Variants in CPSF3 observed in about 807,000 individuals in gnomAD.
The protein encoded by CPSF3 is cleavage and polyadenylation specific factor 3.
Under a neutral mutation model 84.1 loss-of-function variants are expected in CPSF3, and 57 were observed. The observed-to-expected ratio is 0.68, with a 90% CI of 0.55 to 0.85. The LOEUF (loss-of-function observed/expected upper bound fraction) is 0.85, where lower values mean the gene tolerates loss of function less well. Ranked by LOEUF, CPSF3 falls within the 40% of genes least tolerant of loss-of-function variation. The pLI, the probability that CPSF3 is intolerant of heterozygous loss-of-function variation, is 0.00. For synonymous variants in CPSF3, 275 were observed against 278.1 expected (o/e 0.99, Z 0.11); for missense variants, 522 against 838.8 (o/e 0.62, Z 4.66).
chr2:9,469,374 G>A (rs1334060507), intron 16 of CPSF3, among the ~76,000 whole-genome samples: 1 of 152,180 alleles, frequency 6.6e-6, no homozygotes, highest in Non-Finnish European at 1.5e-5. Flanking sequence ...ATTGTAGAAG[G>A]TGGGTGTTGC....
chr2:9,448,461 T>A (rs2124835978), intron 11 of CPSF3, 111 bp downstream of exon 11: 3 of 887,296 alleles, frequency 3.4e-6, no homozygotes, highest in South Asian at 2.4e-5. Flanking sequence ...TTCTGTCTAC[T>A]TGTTACACTA....
intron 16 of CPSF3, among the ~76,000 whole-genome samples, chr2:9,468,132 T>G (rs961109024): frequency 2.0e-5 from 3 of 152,278 alleles, no homozygotes; most frequent in African/African-American, 7.2e-5. Flanking sequence ...ATTTACTTGT[T>G]AAATGTGAAT....
intron 11 of CPSF3, among the ~76,000 whole-genome samples, chr2:9,449,572 T>C (rs1269206467): frequency 1.3e-5 from 2 of 152,014 alleles, no homozygotes; most frequent in African/African-American, 2.4e-5. Flanking sequence ...TGAAACCCAG[T>C]CTCTACGAAA....
chr2:9,469,573 G>A (rs1055302822), intron 16 of CPSF3, among the ~76,000 whole-genome samples: 55 of 152,154 alleles, frequency 3.6e-4, no homozygotes, highest in African/African-American at 1.3e-3. Flanking sequence ...GCGGGAGGCT[G>A]CGGCCCTTCC....
chr2:9,472,658 C>CT (rs962960581), intron 17 of CPSF3, among the ~76,000 whole-genome samples: 38 of 151,922 alleles, frequency 2.5e-4, no homozygotes, highest in Admixed American at 7.9e-4. Flanking sequence ...GATGATTGTT[C>CT]TTTTTTTTAG....
intron 13 of CPSF3, 76 bp from the exon 14 acceptor site, chr2:9,456,857 C>A: frequency 1.2e-6 from 1 of 840,086 alleles, no homozygotes; most frequent in Non-Finnish European, 1.8e-6. Context: ...TTTTAGCTGT[C>A]TCTATAAACA....
At position 9,428,844 on chromosome 2, in the gene CPSF3, G is replaced by C; in HGVS notation, c.114+16G>C. The C allele has an allele frequency of 6.8e-7, 1 of 1,469,938 alleles. No individual in the cohort carries two copies. Among genetic ancestry groups the C allele is most frequent in the Non-Finnish European group, 9.5e-7 (1 of 1,049,136 alleles). 91.1% of individuals were successfully genotyped at this position (1,469,938 alleles called of 1,614,324 possible). ...AAAAATAATGGTAATTACTATTTTTGTACTCAGTTTAATAGTATGGCTCTG... is the reference window on the plus strand; with the variant it reads ...AAAAATAATGGTAATTACTATTTTTCTACTCAGTTTAATAGTATGGCTCTG... On this transcript the variant is annotated intron_variant, in intron 2 of 17. Coordinates refer to ENST00000238112, the MANE Select transcript of CPSF3 (RefSeq NM_016207.4).
Position 9,467,744 on chromosome 2 carries a change from C to A in CPSF3, c.1824C>A (p.His608Gln). Reference protein sequence around the residue: ...VQKVSKKLEMHVYSKRLEIML... With the variant: ...VQKVSKKLEMQVYSKRLEIML... The stretch of plus-strand genomic sequence containing the variant: ...AGGTTTCTAAAAAATTAGAAATGCA[C>A]GTTTACAGCAAGAGGTTGGAGATCA... The change falls in exon 16 of 18, where the codon CAC (histidine) becomes CAA (glutamine). Residue 608 changes from histidine to glutamine, a missense_variant. Physicochemically the swap from His to Gln is conservative, Grantham distance 24 (BLOSUM62 0). Transcript: ENST00000238112. 2 of 1,607,952 alleles carry A rather than the reference C, an allele frequency of 1.2e-6. No individual in the cohort carries two copies. Among genetic ancestry groups the A allele is most frequent in the Non-Finnish European group, 1.7e-6 (2 of 1,176,460 alleles).
intron 7 of CPSF3, among the ~76,000 whole-genome samples, chr2:9,438,053 C>G (rs745959516): frequency 1.1e-4 from 17 of 152,218 alleles, no homozygotes; most frequent in South Asian, 4.1e-4. Flanking sequence ...CACCTCTGTG[C>G]GAAGCACTAG....
chr2:9,449,948 T>C (rs1204507369), intron 11 of CPSF3, among the ~76,000 whole-genome samples: 5 of 152,088 alleles, frequency 3.3e-5, no homozygotes, highest in African/African-American at 9.7e-5. Context: ...TTTAAATTTT[T>C]AAAAAGGAAT....
chr2:9,425,914 C>G (rs1680374455), intron 1 of CPSF3, among the ~76,000 whole-genome samples: 1 of 152,304 alleles, frequency 6.6e-6, no homozygotes, highest in African/African-American at 2.4e-5. Flanking sequence ...TAGACAATCC[C>G]CACTACCTCT....
rs1680930822 is a variant in CPSF3 at position 9,440,438 on chromosome 2, AC to A, written c.761-52del. ...TCTGTGTGTATCATTTGTTATTTGA[AC>A]TGTTTACCCCATCTAACAAAGTGAT... On this transcript the variant is annotated intron_variant, in intron 7 of 17. Transcript: ENST00000238112. 12 of 1,424,674 alleles carry A rather than the reference AC, an allele frequency of 8.4e-6. No homozygotes were observed. The Admixed American group carries it at 8.9e-5, about 11-fold the overall frequency. 88.3% of individuals were successfully genotyped at this position (1,424,674 alleles called of 1,614,324 possible). A position where few individuals can be genotyped will look rare whatever the true frequency, so the allele number is the denominator to read the frequency against.
intron 16 of CPSF3, among the ~76,000 whole-genome samples, chr2:9,471,094 A>T (rs1245281372): frequency 6.6e-6 from 1 of 152,146 alleles, no homozygotes; most frequent in African/African-American, 2.4e-5. Context: ...CACACCTGTA[A>T]TCCCAGCTAC....
At chr2:9,449,360 AGGTTGCGGT>A (rs1681237450) in intron 11 of CPSF3, among the ~76,000 whole-genome samples, 1 of 152,136 alleles carries the variant, frequency 6.6e-6, no homozygotes, top group Non-Finnish European at 1.5e-5. Flanking sequence ...TGAGAGATGG[AGGTTGCGGT>A]GAGCTGCGAT....
chr2:9,424,960 G>A (rs182598660), intron 1 of CPSF3: 1 of 152,204 alleles, frequency 6.6e-6, no homozygotes, highest in African/African-American at 2.4e-5. Flanking sequence ...TGAACATCGC[G>A]GTAGGTGCTT....
chr2:9,465,932 T>C (rs911796051), intron 15 of CPSF3, among the ~76,000 whole-genome samples: 7 of 152,214 alleles, frequency 4.6e-5, no homozygotes, highest in Non-Finnish European at 8.8e-5. Context: ...TGTAACAGCA[T>C]TATTGATACA....
intron 12 of CPSF3, among the ~76,000 whole-genome samples, chr2:9,454,357 G>A (rs1681438188): frequency 6.6e-6 from 1 of 152,084 alleles, no homozygotes; most frequent in South Asian, 2.1e-4. Context: ...ACAGTGAGCC[G>A]AGATCACGCC....
intron 7 of CPSF3, among the ~76,000 whole-genome samples, chr2:9,439,251 G>A (rs566448536): frequency 3.3e-5 from 5 of 151,918 alleles, no homozygotes; most frequent in South Asian, 2.1e-4. Context: ...ATAAGTCTTC[G>A]TAAGTTGTTT....
In CPSF3 at chr2:9,455,735, T is replaced by C; in HGVS notation, c.1581T>C (p.Cys527=). The change falls in exon 13 of 18, where the codon TGT becomes TGC. Residue 527 remains cysteine (C), a synonymous_variant. Transcript: ENST00000238112. The part of the protein sequence containing the change: ...IPYTGPFNLL[C]YQLQKLTGDV... ...ATACTGGTCCCTTTAATTTGCTCTG[T>C]TACCAGCTGCAGAAATTGACAGGTG... The C allele has an allele frequency of 6.2e-6, 10 of 1,613,862 alleles. No individual in the cohort carries two copies. The highest frequency in any genetic ancestry group is 8.5e-6 in the Non-Finnish European group (10 of 1,179,760).
Sources: allele counts gnomAD v4.1 joint callset (sites outside exome capture counted in the v4.1 genomes callset), GRCh38; gene constraint gnomAD v4.1.1; transcripts MANE v1.5; gene names NCBI Gene and HGNC (gene_info 2026-07-23, HGNC 2026-07-21).